The following IQGAP2 variants were observed in gnomAD, a reference collection of about 807,000 sequenced individuals.
The protein encoded by IQGAP2 is IQ motif containing GTPase activating protein 2, also known as ras GTPase-activating-like protein IQGAP2.
IQGAP2 carries 173 observed loss-of-function variants against 201.3 expected under a neutral mutation model. That is an observed-to-expected ratio of 0.86 (90% CI 0.76 to 0.98). The LOEUF (loss-of-function observed/expected upper bound fraction) is 0.98, where lower values mean the gene tolerates loss of function less well. IQGAP2 is among the 50% of genes least tolerant of loss of function. The pLI is 0.00. For synonymous variants in IQGAP2, 675 were observed against 673.9 expected, an observed-to-expected ratio of 1.00 and a Z score of -0.03; for missense variants, 1,687 against 1,864.8, an observed-to-expected ratio of 0.90 and a Z score of 1.76.
chr5:76,528,788 C>T (rs1381542242), intron 2 of IQGAP2, among the ~76,000 whole-genome samples: 1 of 152,176 alleles, frequency 6.6e-6, no homozygotes, highest in Non-Finnish European at 1.5e-5. Context: ...ACTCTAGGGA[C>T]ACCTTGCAAA....
chr5:76,601,832 G>A (rs1408756084), intron 11 of IQGAP2, among the ~76,000 whole-genome samples: 2 of 152,172 alleles, frequency 1.3e-5, no homozygotes, highest in Admixed American at 6.5e-5. Context: ...GTAGTGAATG[G>A]CCAAAAGGTA....
At chr5:76,435,591 T>C (rs1752608977) in intron 1 of IQGAP2, among the ~76,000 whole-genome samples, 1 of 152,234 alleles carries the variant, frequency 6.6e-6, no homozygotes, top group Admixed American at 6.5e-5. Flanking sequence ...ACTATAGCCT[T>C]GCAGTATAAT....
chr5:76,549,419 T>A (rs1743301015), intron 2 of IQGAP2, among the ~76,000 whole-genome samples: 1 of 151,564 alleles, frequency 6.6e-6, no homozygotes, highest in African/African-American at 2.4e-5. Flanking sequence ...ACAGTCTAAC[T>A]GAGTGAGCCA....
chr5:76,417,825 G>T lies in IQGAP2; in HGVS notation c.46+14234G>T, dbSNP rs573727192. On this transcript the variant is annotated intron_variant, in intron 1 of 35. Transcript: ENST00000274364. ...TTGAACTCCTGAGCTCAAGTGATCCGCCTCCCTCAGCCTCCTAAAGTGCTG... is the reference window on the plus strand; with the variant it reads ...TTGAACTCCTGAGCTCAAGTGATCCTCCTCCCTCAGCCTCCTAAAGTGCTG... Among the ~76,000 whole-genome samples, 8 of 151,416 alleles carry T rather than the reference G, an allele frequency of 5.3e-5. 1 individual carries two copies. The highest frequency in any genetic ancestry group is 5.3e-4 in the Admixed American group (8 of 15,180).
chr5:76,703,873 AGTGAT>A (rs1437535744), intron 35 of IQGAP2, among the ~76,000 whole-genome samples: 1 of 152,154 alleles, frequency 6.6e-6, no homozygotes, highest in African/African-American at 2.4e-5. Context: ...AGATCCTGAG[AGTGAT>A]GTGAATTCTG....
intron 2 of IQGAP2, among the ~76,000 whole-genome samples, chr5:76,554,692 T>C (rs1367427031): frequency 2.6e-5 from 4 of 152,168 alleles, no homozygotes; most frequent in Middle Eastern, 3.2e-3. Flanking sequence ...ATTGAAATCC[T>C]CATACACTGC....
intron 17 of IQGAP2, among the ~76,000 whole-genome samples, chr5:76,641,851 C>T (rs1208750631): frequency 3.9e-5 from 6 of 152,136 alleles, no homozygotes; most frequent in Non-Finnish European, 8.8e-5. Flanking sequence ...GAACATTTTT[C>T]TGTTGAAGAC....
intron 27 of IQGAP2, among the ~76,000 whole-genome samples, chr5:76,675,330 A>T (rs891903144): frequency 2.6e-5 from 4 of 152,196 alleles, no homozygotes; most frequent in African/African-American, 9.6e-5. Context: ...GGGGTCCTGG[A>T]ACCAATCCCC....
chr5:76,559,165 T>G (rs1023375220), intron 2 of IQGAP2, among the ~76,000 whole-genome samples: 5 of 152,180 alleles, frequency 3.3e-5, no homozygotes, highest in African/African-American at 1.2e-4. Flanking sequence ...CCTCCCAAAG[T>G]GATGGGATTA....
intron 2 of IQGAP2, among the ~76,000 whole-genome samples, chr5:76,496,606 A>T (rs1400799425): frequency 6.6e-6 from 1 of 152,226 alleles, no homozygotes; most frequent in Non-Finnish European, 1.5e-5. Flanking sequence ...TTGGGGGATC[A>T]TGCGGAGGGA....
rs764509321 is a variant in IQGAP2, at chr5:76,683,875, T to C, written c.3863T>C (p.Ile1288Thr). 2 of 1,613,442 alleles carry C rather than the reference T, an allele frequency of 1.2e-6. No individual in the cohort carries two copies. The highest frequency in any genetic ancestry group is 1.7e-5 in the Admixed American group (1 of 59,948). ...ISLVLTSKYDIEDGEAIDSRS... is the reference protein window; with the variant it reads ...ISLVLTSKYDTEDGEAIDSRS... ...CTTGTCTTGACAAGCAAATATGACA[T>C]AGAGGACGGTGAAGCTATAGATAGC... is the stretch of plus-strand genomic sequence containing the variant. Residue 1288 changes from isoleucine (I) to threonine (T), a missense_variant, in exon 30 of 36, where the codon ATA (isoleucine) becomes ACA (threonine). By Grantham distance (89) the Ile-to-Thr change is moderately conservative. Coordinates refer to ENST00000274364, the MANE Select transcript of IQGAP2 (RefSeq NM_006633.5).
At chr5:76,658,774 GTGATTTCATCC>G (rs1423289182) in intron 21 of IQGAP2, 107 bp downstream of exon 21, 1 of 963,686 alleles carries the variant, frequency 1.0e-6, no homozygotes, top group Non-Finnish European at 1.6e-6. Context: ...GTAGCATTAG[GTGATTTCATCC>G]TGATGCAAAC....
chr5:76,485,186 A>T (rs777296946), intron 2 of IQGAP2, among the ~76,000 whole-genome samples: 1 of 152,158 alleles, frequency 6.6e-6, no homozygotes, highest in African/African-American at 2.4e-5. Flanking sequence ...GAATGGGCAC[A>T]GAGGGAAGAG....
intron 2 of IQGAP2, among the ~76,000 whole-genome samples, chr5:76,515,899 A>ATTT (rs1758287298): frequency 7.5e-6 from 1 of 133,324 alleles, no homozygotes; most frequent in African/African-American, 2.9e-5. Context: ...TTTTTTTGAG[A>ATTT]TAGAGTCTTA....
intron 1 of IQGAP2, among the ~76,000 whole-genome samples, chr5:76,451,292 T>C (rs1753728289): frequency 1.3e-5 from 2 of 152,128 alleles, no homozygotes; most frequent in Non-Finnish European, 2.9e-5. Context: ...TTCCTTCTAT[T>C]GCCAGTCCTG....
Position 76,611,150 on chromosome 5 carries a change from T to A in IQGAP2, c.1488T>A (p.Asp496Glu), listed in dbSNP as rs1428996116. 1 of 1,612,982 alleles carries A rather than the reference T, an allele frequency of 6.2e-7. No individual in the cohort carries two copies. The change falls in exon 13 of 36, where the codon GAT becomes GAA. Residue 496 changes from aspartate (D) to glutamate (E), a missense_variant. Physicochemically the swap from Asp to Glu is conservative, Grantham distance 45. Transcript: ENST00000274364. ...VDPAHAQHYQ[D>E]VLYHAKSQKL... ...CAGCCCATGCCCAGCACTACCAGGA[T>A]GTTTTATACCATGCTAAATCACAGA... is the stretch of plus-strand genomic sequence containing the variant.
chr5:76,494,655 TTTG>T (rs536654745), intron 2 of IQGAP2, among the ~76,000 whole-genome samples: 84 of 152,268 alleles, frequency 5.5e-4, no homozygotes, highest in Middle Eastern at 3.4e-3. Context: ...TTTTTAGTTT[TTTG>T]TTGTTGTTGT....
At chr5:76,523,098 T>C (rs111629163) in intron 2 of IQGAP2, among the ~76,000 whole-genome samples, 271 of 94,604 alleles carry the variant, frequency 2.9e-3, no homozygotes, top group African/African-American at 9.6e-3. Context: ...TTTTTTTTTT[T>C]CTGTGAGGCA....
At chr5:76,639,187 A>G (rs191670575) in intron 16 of IQGAP2, among the ~76,000 whole-genome samples, 105 of 152,302 alleles carry the variant, frequency 6.9e-4, no homozygotes, top group African/African-American at 2.2e-3. Flanking sequence ...CTCATCTTCT[A>G]TTTTTCTAAG....
Sources: gnomAD v4.1 joint callset for allele counts (sites outside exome capture counted in the v4.1 genomes callset) on GRCh38, gnomAD v4.1.1 for gene constraint, MANE v1.5 for transcripts, NCBI Gene and HGNC (gene_info 2026-07-23, HGNC 2026-07-21) for gene names.